UGT2A3: variants seen among roughly 807,000 people sequenced by gnomAD.
UGT2A3 encodes UDP glucuronosyltransferase family 2 member A3.
In UGT2A3, 55 loss-of-function variants were observed where a neutral mutation model predicts 44.1. The observed-to-expected ratio is 1.25, with a 90% CI of 1.00 to 1.56. The LOEUF (loss-of-function observed/expected upper bound fraction) is 1.56, where lower values mean the gene tolerates loss of function less well. UGT2A3 is among the 40% of genes most tolerant of loss of function. The probability of loss-of-function intolerance (pLI) is 0.00; values close to 1 mark genes in which losing one functional copy is unlikely to be tolerated. For synonymous variants in UGT2A3, 243 were observed against 215.1 expected (o/e 1.13, Z -1.13); for missense variants, 733 against 621.6 (o/e 1.18, Z -1.91).
At chr4:68,946,859 C>T (rs2109794964) in intron 1 of UGT2A3, among the ~76,000 whole-genome samples, 1 of 151,750 alleles carries the variant, frequency 6.6e-6, no homozygotes, top group Non-Finnish European at 1.5e-5. Context: ...GTTATGTTAA[C>T]CATACCTTGT....
chr4:68,946,241 A>G (rs2109794214), intron 1 of UGT2A3, among the ~76,000 whole-genome samples: 1 of 151,824 alleles, frequency 6.6e-6, no homozygotes, highest in South Asian at 2.1e-4. Flanking sequence ...ACAAAAACAT[A>G]TTTTGCAAGT....
intron 2 of UGT2A3, among the ~76,000 whole-genome samples, chr4:68,942,189 A>G (rs1472840042): frequency 6.6e-6 from 1 of 151,652 alleles, no homozygotes; most frequent in Non-Finnish European, 1.5e-5. Flanking sequence ...TTACATCAAC[A>G]TTATTCATAT....
At chr4:68,933,057 TA>T (rs1717796525) in intron 2 of UGT2A3, among the ~76,000 whole-genome samples, 1 of 152,000 alleles carries the variant, frequency 6.6e-6, no homozygotes, top group African/African-American at 2.4e-5. Context: ...CACAAAATCC[TA>T]AAACCAAAAT....
chr4:68,931,499 A>G (rs1260964273), intron 3 of UGT2A3, among the ~76,000 whole-genome samples: 1 of 151,994 alleles, frequency 6.6e-6, no homozygotes, highest in African/African-American at 2.4e-5. Flanking sequence ...GAATGAGAAT[A>G]CCAGTGAATA....
At chr4:68,932,273 C>T (rs1384515640) in intron 3 of UGT2A3, among the ~76,000 whole-genome samples, 2 of 150,356 alleles carry the variant, frequency 1.3e-5, no homozygotes, top group African/African-American at 2.4e-5. Context: ...GAGATTGATT[C>T]TTCTTTTTTT....
intron 5 of UGT2A3, 28 bp downstream of exon 5, chr4:68,930,518 A>T: frequency 1.3e-6 from 2 of 1,558,894 alleles, no homozygotes; most frequent in South Asian, 1.2e-5. Flanking sequence ...TCAATGTTAG[A>T]TCAGTCTGTA....
Position 68,938,172 on chromosome 4 carries a change from T to C in UGT2A3, c.865-5413A>G, listed in dbSNP as rs1276823713. 4.6e-5 allele frequency among the ~76,000 whole-genome samples: 7 copies of C among 151,796 alleles called. No individual in the cohort carries two copies. In the East Asian group the frequency reaches 5.8e-4, roughly 13 times the overall value. On this transcript the variant is annotated intron_variant, in intron 2 of 5. Transcript: ENST00000251566. ...TTCCTTCTGAAACCATTCCAATCAA[T>C]AGAAAAAGAGAGAATCCTCCCTAAC...
At chr4:68,931,708 C>G (rs1717742252) in intron 3 of UGT2A3, among the ~76,000 whole-genome samples, 1 of 151,826 alleles carries the variant, frequency 6.6e-6, no homozygotes, top group Non-Finnish European at 1.5e-5. Flanking sequence ...TCTCTATTTC[C>G]TTCCTGGCCT....
At chr4:68,931,092 C>T (rs1415512332) in intron 4 of UGT2A3, 63 bp downstream of exon 4, 9 of 1,301,506 alleles carry the variant, frequency 6.9e-6, no homozygotes, top group East Asian at 4.7e-5. Context: ...AATTTGCTTG[C>T]TGTTTAACAT....
intron 1 of UGT2A3, among the ~76,000 whole-genome samples, chr4:68,946,562 G>A (rs1310839086): frequency 4.0e-5 from 6 of 151,574 alleles, no homozygotes; most frequent in African/African-American, 1.5e-4. Flanking sequence ...CAACTTGTAG[G>A]TGATTTTAAT....
chr4:68,951,088 A>C lies in UGT2A3; in HGVS notation c.673T>G (p.Tyr225Asp). Residue 225 changes from tyrosine to aspartate, a missense_variant, in exon 1 of 6, where the codon TAC (tyrosine) becomes GAC (aspartate). Tyr to Asp is a radical substitution (Grantham distance 160). Coordinates refer to ENST00000251566, the MANE Select transcript of UGT2A3 (RefSeq NM_024743.4). ...AACTCTTCCCAAAAATGATAGTCGT[A>C]ATCCTGAATCCAGAAGTGGAACAAA... The part of the protein sequence containing the change: ...SVLFHFWIQD[Y>D]DYHFWEEFYS... 6.2e-7 allele frequency: 1 copy of C among 1,606,676 alleles called. No homozygotes were observed. The highest frequency in any genetic ancestry group is 1.1e-5 in the South Asian group (1 of 89,726).
intron 2 of UGT2A3, among the ~76,000 whole-genome samples, chr4:68,941,628 G>T (rs1718189202): frequency 6.6e-6 from 1 of 151,910 alleles, no homozygotes; most frequent in South Asian, 2.1e-4. Flanking sequence ...AAAAGGAAAA[G>T]TAGATAAACG....
At chr4:68,941,078 G>A (rs573216986) in intron 2 of UGT2A3, among the ~76,000 whole-genome samples, 1 of 151,742 alleles carries the variant, frequency 6.6e-6, no homozygotes, top group South Asian at 2.1e-4. Context: ...GTTCCCAGAA[G>A]AGCTAGTTGT....
At chr4:68,930,815 T>C (rs1353706402) in intron 4 of UGT2A3, 50 bp from the exon 5 acceptor site, 1 of 1,408,692 alleles carries the variant, frequency 7.1e-7, no homozygotes, top group East Asian at 2.4e-5. Context: ...TTCTAAACTT[T>C]TAAAATTATT....
At chr4:68,935,918 G>A (rs183969227) in intron 2 of UGT2A3, among the ~76,000 whole-genome samples, 78 of 152,012 alleles carry the variant, frequency 5.1e-4, no homozygotes, top group East Asian at 9.7e-4. Flanking sequence ...TGACACATGC[G>A]CAAGCTTCAA....
At chr4:68,939,939 A>G (rs541953267) in intron 2 of UGT2A3, among the ~76,000 whole-genome samples, 1 of 152,328 alleles carries the variant, frequency 6.6e-6, no homozygotes, top group South Asian at 2.1e-4. Flanking sequence ...CAAAAGACAC[A>G]TGAAAAAATG....
Position 68,929,974 on chromosome 4 carries a change from G to A in UGT2A3, c.1423C>T (p.Arg475Ter), listed in dbSNP as rs764336156. The A allele has an allele frequency of 1.8e-5, 29 of 1,613,496 alleles. No homozygotes were observed. Among genetic ancestry groups the A allele is most frequent in the Non-Finnish European group, 2.3e-5 (27 of 1,179,666 alleles). ...VMRHKGAKHL[R>*]SAAHDLTWFQ... ...CAGGTGAGGTCATGGGCAGCTGATC[G>A]CAGGTGCTTGGCTCCTTTGTGGCGC... The change falls in exon 6 of 6, where the codon CGA (arginine) becomes TGA (stop). Residue 475 changes from arginine (R) to a stop codon, truncating the protein, a stop_gained. Transcript: ENST00000251566. LOFTEE classifies it low-confidence loss of function (END_TRUNC).
chr4:68,939,700 A>G (rs1162579229), intron 2 of UGT2A3, among the ~76,000 whole-genome samples: 2 of 152,164 alleles, frequency 1.3e-5, no homozygotes, highest in Non-Finnish European at 2.9e-5. Context: ...GACAAATGGG[A>G]TCTAATTAAG....
At chr4:68,944,890 C>T (rs758385949) in intron 2 of UGT2A3, among the ~76,000 whole-genome samples, 1 of 151,684 alleles carries the variant, frequency 6.6e-6, no homozygotes, top group Non-Finnish European at 1.5e-5. Flanking sequence ...TTTTCTCTCA[C>T]TCACCAACTC....
Sources: allele counts gnomAD v4.1 joint callset (sites outside exome capture counted in the v4.1 genomes callset), GRCh38; gene constraint gnomAD v4.1.1; transcripts MANE v1.5; gene names NCBI Gene and HGNC (gene_info 2026-07-23, HGNC 2026-07-21).